Variants in FLACC1 observed in about 807,000 individuals in gnomAD.
FLACC1 encodes flagellum-associated coiled-coil domain-containing protein 1.
Under a neutral mutation model 62.8 loss-of-function variants are expected in FLACC1, and 66 were observed. The observed-to-expected ratio is 1.05, with a 90% confidence interval of 0.86 to 1.29. The LOEUF (loss-of-function observed/expected upper bound fraction) is 1.29. FLACC1 is among the 50% of genes most tolerant of loss of function. The pLI, the probability that FLACC1 is intolerant of heterozygous loss-of-function variation, is 0.00. For synonymous variants in FLACC1, 156 were observed against 161.0 expected, an observed-to-expected ratio of 0.97 and a Z score of 0.24; for missense variants, 452 against 489.1, an observed-to-expected ratio of 0.92 and a Z score of 0.71.
intron 11 of FLACC1, 103 bp from the exon 12 acceptor site, chr2:201,299,403 A>G: frequency 2.3e-6 from 2 of 862,738 alleles, no homozygotes; most frequent in Non-Finnish European, 3.8e-6. Flanking sequence ...ATATTCACCA[A>G]AGCTTAGACA....
At chr2:201,297,896 AAC>A (rs1364835482) in intron 12 of FLACC1, among the ~76,000 whole-genome samples, 1 of 152,172 alleles carries the variant, frequency 6.6e-6, no homozygotes, top group East Asian at 1.9e-4. Flanking sequence ...TTGAATAAAG[AAC>A]AGGAGGAGGA....
chr2:201,358,542 A>G (rs963476651), upstream of FLACC1, among the ~76,000 whole-genome samples: 1 of 147,730 alleles, frequency 6.8e-6, no homozygotes, highest in Non-Finnish European at 1.5e-5. Flanking sequence ...TCAGCCTCCC[A>G]AGTAGCTGGG....
At chr2:201,290,780 C>A (rs949627726) in intron 12 of FLACC1, among the ~76,000 whole-genome samples, 1 of 152,126 alleles carries the variant, frequency 6.6e-6, no homozygotes, top group Non-Finnish European at 1.5e-5. Flanking sequence ...CCTTTCCTAG[C>A]CAAGGAAAGG....
At chr2:201,348,983 C>T (rs1950972301) in intron 3 of FLACC1, among the ~76,000 whole-genome samples, 1 of 152,192 alleles carries the variant, frequency 6.6e-6, no homozygotes. Context: ...TTTGTGATTA[C>T]ATGGGATCTG....
intron 4 of FLACC1, among the ~76,000 whole-genome samples, chr2:201,347,817 G>A (rs549026819): frequency 1.8e-4 from 27 of 152,314 alleles, no homozygotes; most frequent in African/African-American, 4.1e-4. Flanking sequence ...CCAGGCAGGC[G>A]TCAAGAGCCT....
At chr2:201,315,994 C>G (rs1252992250) in intron 9 of FLACC1, among the ~76,000 whole-genome samples, 1 of 152,024 alleles carries the variant, frequency 6.6e-6, no homozygotes, top group Non-Finnish European at 1.5e-5. Context: ...TAAAAAAATT[C>G]TTCAAACTGA....
upstream of FLACC1, among the ~76,000 whole-genome samples, chr2:201,360,565 T>G (rs957605272): frequency 2.6e-5 from 4 of 152,214 alleles, no homozygotes; most frequent in African/African-American, 9.6e-5. Context: ...CTTGCTCAAC[T>G]CTCTTTGATC....
intron 10 of FLACC1, among the ~76,000 whole-genome samples, chr2:201,308,369 C>T (rs747937525): frequency 2.6e-5 from 4 of 152,144 alleles, no homozygotes; most frequent in Non-Finnish European, 4.4e-5. Context: ...GCCTTAACTC[C>T]GGGGTCTTCA....
chr2:201,344,075 G>A, intron 6 of FLACC1, 95 bp downstream of exon 6: 1 of 1,101,758 alleles, frequency 9.1e-7, no homozygotes, highest in South Asian at 1.4e-5. Context: ...GCTCATATGA[G>A]TAAAGTGCTT....
At chr2:201,307,687 C>G (rs949453424) in intron 10 of FLACC1, 65 bp from the exon 11 acceptor site, 1 of 1,148,576 alleles carries the variant, frequency 8.7e-7, no homozygotes, top group Middle Eastern at 2.1e-4. Context: ...AATGAGAAAC[C>G]CAGAATATCT....
chr2:201,299,117 G>T, intron 12 of FLACC1, 121 bp downstream of exon 12: 1 of 940,270 alleles, frequency 1.1e-6, no homozygotes, highest in Admixed American at 2.5e-5. Context: ...CTCAGCTTTA[G>T]GTCTTCCATT....
At chr2:201,354,487 A>G (rs949400448) in intron 1 of FLACC1, among the ~76,000 whole-genome samples, 3 of 152,168 alleles carry the variant, frequency 2.0e-5, no homozygotes, top group Non-Finnish European at 2.9e-5. Context: ...CTGGCTAAAC[A>G]GCAAAGGCCT....
At chr2:201,342,078 G>A (rs1950820696) in intron 7 of FLACC1, among the ~76,000 whole-genome samples, 1 of 152,178 alleles carries the variant, frequency 6.6e-6, no homozygotes, top group Non-Finnish European at 1.5e-5. Flanking sequence ...AAATCTCATA[G>A]AGAACAAAAA....
intron 5 of FLACC1, 121 bp from the exon 6 acceptor site, chr2:201,344,384 G>T (rs1424681635): frequency 1.3e-6 from 1 of 764,078 alleles, no homozygotes; most frequent in Non-Finnish European, 2.3e-6. Flanking sequence ...GCCATGTTCT[G>T]CACCTGCTCT....
Position 201,348,593 on chromosome 2 carries a change from C to T in FLACC1, c.186-291G>A, listed in dbSNP as rs554595254. Among the ~76,000 whole-genome samples, 165 of 152,262 alleles carry T rather than the reference C, an allele frequency of 1.1e-3. 1 individual carries two copies. Among genetic ancestry groups the T allele is most frequent in the African/African-American group, 3.7e-3 (154 of 41,534 alleles). On this transcript the variant is annotated intron_variant, in intron 3 of 14. Transcript: ENST00000392257. ...AGCTAGAGGGACCCCTACATATTCTCCCTGAGTCAAGGCTCTGTGAGTCAG... is the reference window on the plus strand; with the variant it reads ...AGCTAGAGGGACCCCTACATATTCTTCCTGAGTCAAGGCTCTGTGAGTCAG...
At chr2:201,297,150 TGA>T (rs1283859893) in intron 12 of FLACC1, among the ~76,000 whole-genome samples, 2 of 152,062 alleles carry the variant, frequency 1.3e-5, no homozygotes, top group Admixed American at 6.6e-5. Flanking sequence ...GGTGGAAAAT[TGA>T]GAGTGTGGAA....
At chr2:201,336,535 G>C (rs191021778) in intron 7 of FLACC1, among the ~76,000 whole-genome samples, 1 of 152,274 alleles carries the variant, frequency 6.6e-6, no homozygotes, top group Non-Finnish European at 1.5e-5. Flanking sequence ...CCAATAATGG[G>C]ATTGCTGGGT....
At position 201,298,379 on chromosome 2, in the gene FLACC1, C is replaced by T. The variant is rs147997910; in HGVS notation, c.942+859G>A. 9.7e-4 allele frequency among the ~76,000 whole-genome samples: 147 copies of T among 152,254 alleles called. 1 individual carries two copies. The highest frequency in any genetic ancestry group is 3.1e-3 in the African/African-American group (127 of 41,528). ...GAATATAAAAATATTCAGCACCCAA[C>T]AAGGTAAACACCAAAATGACTGACA... On this transcript the variant is annotated intron_variant, in intron 12 of 14. Transcript: ENST00000392257.
chr2:201,353,709 T>C (rs1260710942), intron 1 of FLACC1, among the ~76,000 whole-genome samples: 1 of 152,166 alleles, frequency 6.6e-6, no homozygotes, highest in Admixed American at 6.5e-5. Context: ...CGCCTCAGCC[T>C]CCTGTAGGTG....
Sources: allele counts gnomAD v4.1 joint callset (sites outside exome capture counted in the v4.1 genomes callset), GRCh38; gene constraint gnomAD v4.1.1; transcripts MANE v1.5; gene names NCBI Gene and HGNC (gene_info 2026-07-23, HGNC 2026-07-21).